Variants in PCDH9 observed in about 807,000 individuals in gnomAD.
The protein encoded by PCDH9 is protocadherin 9, also known as protocadherin-9.
PCDH9 carries 24 observed loss-of-function variants against 70.6 expected under a neutral mutation model. The observed-to-expected ratio is 0.34, with a 90% confidence interval of 0.25 to 0.48. The LOEUF is 0.48. Ranked by LOEUF, PCDH9 falls within the 20% of genes least tolerant of loss-of-function variation. PCDH9 has a pLI of 0.99. For missense variants in PCDH9, 1,281 were observed against 1,503.6 expected (o/e 0.85, Z 2.45); for synonymous variants, 562 against 558.5 (o/e 1.01, Z -0.09).
At position 66,817,087 on chromosome 13, in the gene PCDH9, T is replaced by C. The variant is rs377245277; in HGVS notation, c.3138+86417A>G. ...ACAACTATTTGCATAGCATGTACAT[T>C]GTATTAGGTATTATAATTAATCTAG... On this transcript the variant is annotated intron_variant, in intron 3 of 4. Transcript: ENST00000377865. 8.6e-5 allele frequency among the ~76,000 whole-genome samples: 13 copies of C among 151,934 alleles called. 1 individual carries two copies. Among genetic ancestry groups the C allele is most frequent in the African/African-American group, 3.1e-4 (13 of 41,500 alleles).
chr13:66,627,069 G>GA (rs1467583336), intron 4 of PCDH9, among the ~76,000 whole-genome samples: 7 of 150,824 alleles, frequency 4.6e-5, no homozygotes, highest in African/African-American at 1.7e-4. Context: ...TAATTTCTTT[G>GA]AAAAAATACC....
chr13:66,914,415 C>G lies in PCDH9; in HGVS notation c.3037-10810G>C, dbSNP rs1295341741. On this transcript the variant is annotated intron_variant, in intron 2 of 4. Coordinates refer to ENST00000377865, the MANE Select transcript of PCDH9 (RefSeq NM_203487.3). ...ATCCTCAGGCCACAGAACTGTAACA[C>G]TTAGAAGACTCTGTGGAATACGAAC... 3.3e-5 allele frequency: 5 copies of G among 151,848 alleles called. No individual in the cohort carries two copies. In the East Asian group the frequency reaches 9.6e-4, roughly 29 times the overall value. The allele number at this position is 151,848 out of a possible 1,614,324, so 9.4% of individuals were successfully genotyped here.
intron 3 of PCDH9, among the ~76,000 whole-genome samples, chr13:66,839,926 A>G (rs1334593384): frequency 6.6e-6 from 1 of 152,232 alleles, no homozygotes; most frequent in Non-Finnish European, 1.5e-5. Context: ...ATTCACAACT[A>G]TTCAAATATT....
Position 66,324,053 on chromosome 13 carries a change from C to A in PCDH9, c.3341-19025G>T, listed in dbSNP as rs73505824. 9.4e-3 allele frequency among the ~76,000 whole-genome samples: 1,433 copies of A among 152,142 alleles called. 47 individuals carry two copies. Among genetic ancestry groups the A allele is most frequent in the African/African-American group, 0.032 (1,344 of 41,446 alleles). On this transcript the variant is annotated intron_variant, in intron 4 of 4. Transcript: ENST00000377865. ...TTGTAAGAGAAGAATTCCTTTCTGGCCACAATTTTGCTCTAGCTCCACCCT... is the reference window on the plus strand; with the variant it reads ...TTGTAAGAGAAGAATTCCTTTCTGGACACAATTTTGCTCTAGCTCCACCCT...
chr13:66,770,050 TGA>T (rs2079781901), intron 3 of PCDH9, among the ~76,000 whole-genome samples: 1 of 152,158 alleles, frequency 6.6e-6, no homozygotes. Flanking sequence ...AGTGGAAAAT[TGA>T]GAGTCACTTT....
intron 3 of PCDH9, among the ~76,000 whole-genome samples, chr13:66,880,848 T>C (rs773252308): frequency 6.6e-6 from 1 of 152,186 alleles, no homozygotes; most frequent in Non-Finnish European, 1.5e-5. Flanking sequence ...CAATTGCTTA[T>C]TGCTAGAAAA....
At chr13:66,317,948 GA>G in intron 4 of PCDH9, among the ~76,000 whole-genome samples, 1 of 151,540 alleles carries the variant, frequency 6.6e-6, no homozygotes, top group Non-Finnish European at 1.5e-5. Context: ...TGTACATAAA[GA>G]AAAACTACTC....
chr13:66,416,899 C>G (rs1286703450), intron 4 of PCDH9, among the ~76,000 whole-genome samples: 2 of 152,142 alleles, frequency 1.3e-5, no homozygotes, highest in Non-Finnish European at 2.9e-5. Context: ...GAGCTTAGAT[C>G]AGCAGCAGAA....
intron 2 of PCDH9, among the ~76,000 whole-genome samples, chr13:67,090,156 T>A (rs1246104754): frequency 6.6e-6 from 1 of 152,002 alleles, no homozygotes; most frequent in African/African-American, 2.4e-5. Flanking sequence ...ACTAAATGAT[T>A]ACTAATGAAG....
At chr13:66,425,102 T>C (rs562715446) in intron 4 of PCDH9, among the ~76,000 whole-genome samples, 80 of 151,884 alleles carry the variant, frequency 5.3e-4, no homozygotes, top group Non-Finnish European at 8.8e-4. Context: ...TTATATTATG[T>C]TCATCATTTT....
intron 4 of PCDH9, among the ~76,000 whole-genome samples, chr13:66,621,816 C>T (rs760542301): frequency 6.6e-6 from 1 of 152,268 alleles, no homozygotes; most frequent in African/African-American, 2.4e-5. Context: ...TCGCTCTCAG[C>T]GCCTCCTCTG....
chr13:67,182,886 G>C (rs1163649244), intron 2 of PCDH9, among the ~76,000 whole-genome samples: 1 of 152,034 alleles, frequency 6.6e-6, no homozygotes, highest in Non-Finnish European at 1.5e-5. Context: ...TGGAATGTTG[G>C]AAGGATCAAT....
At chr13:66,546,413 A>G (rs1311020606) in intron 4 of PCDH9, among the ~76,000 whole-genome samples, 1 of 152,076 alleles carries the variant, frequency 6.6e-6, no homozygotes, top group Non-Finnish European at 1.5e-5. Context: ...AAATTAAAAA[A>G]CCATTATAAA....
intron 2 of PCDH9, among the ~76,000 whole-genome samples, chr13:67,165,067 G>C (rs370401185): frequency 6.6e-6 from 1 of 152,080 alleles, no homozygotes; most frequent in African/African-American, 2.4e-5. Context: ...ACTTGATAAA[G>C]TGTGTTGAAA....
rs551927861 is a variant in PCDH9 at position 66,689,483 on chromosome 13, T to C, written c.3139-58072A>G. 2.6e-5 allele frequency among the ~76,000 whole-genome samples: 4 copies of C among 152,324 alleles called. No individual in the cohort carries two copies. In the South Asian group the frequency reaches 6.2e-4, roughly 24 times the overall value. The stretch of plus-strand genomic sequence containing the variant: ...TGCCTTCATGGGGGAAATGTTCAGA[T>C]AAATCAATTTTTTTCAGGAAAAAAA... On this transcript the variant is annotated intron_variant, in intron 3 of 4. Transcript: ENST00000377865.
chr13:66,381,615 C>T (rs993974165), intron 4 of PCDH9, among the ~76,000 whole-genome samples: 1 of 152,050 alleles, frequency 6.6e-6, no homozygotes, highest in South Asian at 2.1e-4. Flanking sequence ...TCTTGGTTGG[C>T]GATCTTAGAA....
At chr13:66,716,005 A>G (rs2078862064) in intron 3 of PCDH9, among the ~76,000 whole-genome samples, 1 of 152,192 alleles carries the variant, frequency 6.6e-6, no homozygotes, top group Non-Finnish European at 1.5e-5. Context: ...TATAGAAACC[A>G]CTCCAATTGT....
At chr13:66,895,725 T>C (rs1250970107) in intron 3 of PCDH9, among the ~76,000 whole-genome samples, 1 of 152,244 alleles carries the variant, frequency 6.6e-6, no homozygotes, top group Non-Finnish European at 1.5e-5. Context: ...TATTATTTAT[T>C]ATCATTTCAT....
At chr13:67,015,224 A>G (rs186809697) in intron 2 of PCDH9, among the ~76,000 whole-genome samples, 55 of 152,154 alleles carry the variant, frequency 3.6e-4, no homozygotes, top group African/African-American at 1.2e-3. Flanking sequence ...TTGTGTTATC[A>G]GTCTGCACAC....
Sources: allele counts gnomAD v4.1 joint callset (sites outside exome capture counted in the v4.1 genomes callset), GRCh38; gene constraint gnomAD v4.1.1; transcripts MANE v1.5; gene names NCBI Gene and HGNC (gene_info 2026-07-23, HGNC 2026-07-21).